Variants in CPQ observed in about 807,000 individuals in gnomAD.
CPQ encodes Ser-Met dipeptidase.
Under a neutral mutation model 45.7 loss-of-function variants are expected in CPQ, and 37 were observed. The observed-to-expected ratio is 0.81, with a 90% CI of 0.62 to 1.07. CPQ has a LOEUF of 1.07. CPQ is among the 50% of genes least tolerant of loss of function. CPQ has a pLI of 0.00. For synonymous variants in CPQ, 186 were observed against 205.8 expected, an observed-to-expected ratio of 0.90 and a Z score of 0.82; for missense variants, 537 against 572.9, an observed-to-expected ratio of 0.94 and a Z score of 0.64.
intron 4 of CPQ, among the ~76,000 whole-genome samples, chr8:96,956,513 G>A (rs776620229): frequency 6.6e-6 from 1 of 151,924 alleles, no homozygotes; most frequent in Non-Finnish European, 1.5e-5. Context: ...TATGAATATT[G>A]AAGTTAAACT....
chr8:96,835,950 C>G (rs1240613633), intron 3 of CPQ, among the ~76,000 whole-genome samples: 1 of 151,990 alleles, frequency 6.6e-6, no homozygotes, highest in African/African-American at 2.4e-5. Flanking sequence ...GGATGAAATT[C>G]AGTATTACAG....
intron 2 of CPQ, among the ~76,000 whole-genome samples, chr8:96,825,111 G>A (rs1811362843): frequency 6.6e-6 from 1 of 151,968 alleles, no homozygotes; most frequent in African/African-American, 2.4e-5. Flanking sequence ...GGGTGGAATG[G>A]CCTTGCTTGG....
At chr8:96,871,531 GT>G (rs529360931) in intron 3 of CPQ, among the ~76,000 whole-genome samples, 7,886 of 106,838 alleles carry the variant, frequency 0.074, 277 homozygotes, top group African/African-American at 0.12. Context: ...TTGCTTCCAG[GT>G]TTTTTTTTTT....
chr8:96,979,388 CA>C (rs1430985079), intron 5 of CPQ, among the ~76,000 whole-genome samples: 1 of 152,222 alleles, frequency 6.6e-6, no homozygotes, highest in Non-Finnish European at 1.5e-5. Context: ...TAGAGAACTA[CA>C]GCTTTGGAGT....
At chr8:96,993,531 A>G (rs1809129959) in intron 5 of CPQ, among the ~76,000 whole-genome samples, 1 of 152,182 alleles carries the variant, frequency 6.6e-6, no homozygotes, top group South Asian at 2.1e-4. Flanking sequence ...AATAGGCTTC[A>G]TATCACAAAG....
At chr8:96,927,310 G>T (rs376534999) in intron 4 of CPQ, among the ~76,000 whole-genome samples, 31 of 152,148 alleles carry the variant, frequency 2.0e-4, no homozygotes, top group African/African-American at 7.5e-4. Flanking sequence ...TTCCCCTGCT[G>T]GCTGGTGTTC....
intron 4 of CPQ, among the ~76,000 whole-genome samples, chr8:96,956,545 GGAAAA>G (rs1813360422): frequency 6.6e-6 from 1 of 152,042 alleles, no homozygotes; most frequent in East Asian, 1.9e-4. Context: ...TATTGTAAAT[GGAAAA>G]GAAGAGTTTT....
At chr8:96,960,631 A>T (rs1308923604) in intron 4 of CPQ, among the ~76,000 whole-genome samples, 1 of 152,138 alleles carries the variant, frequency 6.6e-6, no homozygotes, top group Non-Finnish European at 1.5e-5. Context: ...CCCGTACCTG[A>T]TCACCTCCTC....
chr8:97,051,973 C>T (rs1004263434), intron 6 of CPQ, among the ~76,000 whole-genome samples: 2 of 152,146 alleles, frequency 1.3e-5, no homozygotes, highest in Non-Finnish European at 2.9e-5. Flanking sequence ...ACACAGATAT[C>T]CAAAGAGAAA....
intron 5 of CPQ, among the ~76,000 whole-genome samples, chr8:96,973,929 A>G (rs141304631): frequency 6.6e-6 from 1 of 152,354 alleles, no homozygotes; most frequent in Non-Finnish European, 1.5e-5. Context: ...TAAAGCATAA[A>G]TCTCACAGAA....
intron 2 of CPQ, among the ~76,000 whole-genome samples, chr8:96,810,929 A>G (rs532415190): frequency 5.9e-5 from 9 of 152,196 alleles, no homozygotes; most frequent in Non-Finnish European, 1.2e-4. Context: ...TTAAAATGGC[A>G]AGCCAAGTAG....
intron 1 of CPQ, chr8:96,680,395 C>G (rs1213001894): frequency 2.0e-5 from 3 of 152,116 alleles, no homozygotes; most frequent in Admixed American, 2.0e-4. Context: ...TCATGCTATT[C>G]TCATGATAGT....
chr8:96,925,118 A>G (rs1812855880), intron 4 of CPQ, among the ~76,000 whole-genome samples: 1 of 152,240 alleles, frequency 6.6e-6, no homozygotes, highest in African/African-American at 2.4e-5. Context: ...TCATATATAG[A>G]TGCTCTATAT....
At chr8:96,752,517 A>G (rs1272702252) in intron 1 of CPQ, among the ~76,000 whole-genome samples, 1 of 152,060 alleles carries the variant, frequency 6.6e-6, no homozygotes, top group East Asian at 1.9e-4. Context: ...TCAGCTTAAG[A>G]TGCTTTTGGG....
chr8:96,986,717 G>A (rs1808989821), intron 5 of CPQ, among the ~76,000 whole-genome samples: 1 of 152,156 alleles, frequency 6.6e-6, no homozygotes. Context: ...GCTTTATGTA[G>A]TTAGAGAGAG....
chr8:96,905,668 A>G (rs1161283290), intron 4 of CPQ, among the ~76,000 whole-genome samples: 2 of 151,166 alleles, frequency 1.3e-5, no homozygotes, highest in Non-Finnish European at 2.9e-5. Context: ...TTAGTTGCCT[A>G]CTAATTTCTG....
At chr8:96,816,724 A>T (rs1024910505) in intron 2 of CPQ, among the ~76,000 whole-genome samples, 37 of 152,300 alleles carry the variant, frequency 2.4e-4, no homozygotes, top group African/African-American at 8.7e-4. Context: ...AGCAGGCAAG[A>T]AAACAACATT....
intron 4 of CPQ, among the ~76,000 whole-genome samples, chr8:96,891,585 C>A (rs1345163699): frequency 1.3e-5 from 2 of 152,182 alleles, no homozygotes. Context: ...AATGAGTTAT[C>A]CTGTCCACTT....
chr8:97,122,258 C>CA (rs201336076), intron 7 of CPQ, among the ~76,000 whole-genome samples: 2,254 of 151,440 alleles, frequency 0.015, 64 homozygotes, highest in African/African-American at 0.051. Context: ...AGCAGCAATA[C>CA]AAAAAAAACT....
Sources: allele counts gnomAD v4.1 joint callset (sites outside exome capture counted in the v4.1 genomes callset), GRCh38; gene constraint gnomAD v4.1.1; transcripts MANE v1.5; gene names NCBI Gene and HGNC (gene_info 2026-07-23, HGNC 2026-07-21).